The following GALNT9 variants were observed in gnomAD, a reference collection of about 807,000 sequenced individuals.
GALNT9 encodes the protein polypeptide N-acetylgalactosaminyltransferase 9.
Under a neutral mutation model 63.1 loss-of-function variants are expected in GALNT9, and 47 were observed. The ratio of observed to expected loss-of-function variants is 0.75; its 90% CI spans 0.59 to 0.95. The LOEUF is 0.95. GALNT9 is among the 40% of genes least tolerant of loss of function. GALNT9 has a pLI of 0.00. For missense variants in GALNT9, 829 were observed against 874.8 expected (o/e 0.95, Z 0.66); for synonymous variants, 396 against 365.7 (o/e 1.08, Z -0.94).
At chr12:132,267,204 G>T (rs543206543) in intron 2 of GALNT9, among the ~76,000 whole-genome samples, 4 of 127,400 alleles carry the variant, frequency 3.1e-5, no homozygotes, top group Non-Finnish European at 5.9e-5. Context: ...GGCAGGGAAG[G>T]AGGCAGGCAG....
intron 1 of GALNT9, among the ~76,000 whole-genome samples, chr12:132,324,568 G>A (rs1455385275): frequency 6.6e-6 from 1 of 152,206 alleles, no homozygotes; most frequent in Non-Finnish European, 1.5e-5. Context: ...GGGGGTCTTT[G>A]GACTGGCTCC....
chr12:132,326,025 G>T (rs1246274529), intron 1 of GALNT9, among the ~76,000 whole-genome samples: 2 of 152,248 alleles, frequency 1.3e-5, no homozygotes, highest in African/African-American at 4.8e-5. Context: ...CCTTAGCGCT[G>T]CCCAGGCCTC....
chr12:132,219,018 C>T (rs1277981328), intron 6 of GALNT9, among the ~76,000 whole-genome samples: 3 of 152,186 alleles, frequency 2.0e-5, no homozygotes, highest in South Asian at 2.1e-4. Context: ...AGGGGCGCCC[C>T]GCATTTTGAG....
chr12:132,203,508 C>CATGGGGATGTTCCAG lies in GALNT9; in HGVS notation c.1245_1259dup (p.Pro419_Met420insIleTrpAsnIlePro), dbSNP rs1246118644. ...TCCCGGCCTGTGGGGGACTCACCGA[C>CATGGGGATGTTCCAG]ATGGGGATGTTCCAGGCCATGTACA... On this transcript the variant is annotated inframe_insertion, in exon 7 of 11. Coordinates refer to ENST00000328957, the MANE Select transcript of GALNT9 (RefSeq NM_001122636.2). The CATGGGGATGTTCCAG allele has an allele frequency of 6.2e-7, 1 of 1,613,562 alleles. No homozygotes were observed. The highest frequency in any genetic ancestry group is 8.5e-7 in the Non-Finnish European group (1 of 1,179,666).
intron 6 of GALNT9, among the ~76,000 whole-genome samples, chr12:132,217,666 TATCC>T (rs1877270556): frequency 2.1e-5 from 3 of 140,522 alleles, no homozygotes; most frequent in East Asian, 2.3e-4. Context: ...TCCATTCCTT[TATCC>T]ATCCATCTAC....
chr12:132,240,375 G>A, intron 6 of GALNT9: 1 of 352,052 alleles, frequency 2.8e-6, no homozygotes, highest in South Asian at 2.1e-5. Flanking sequence ...ACCCCATGCT[G>A]GCCAGGTGGC....
At chr12:132,281,358 G>A (rs1294662417) in intron 2 of GALNT9, among the ~76,000 whole-genome samples, 2 of 152,226 alleles carry the variant, frequency 1.3e-5, no homozygotes, top group Non-Finnish European at 2.9e-5. Context: ...GGGGCCAGGA[G>A]GCCTCCTTCG....
At chr12:132,264,967 G>A (rs1204041805) in intron 2 of GALNT9, among the ~76,000 whole-genome samples, 1 of 152,198 alleles carries the variant, frequency 6.6e-6, no homozygotes, top group African/African-American at 2.4e-5. Flanking sequence ...AACCGCGTCC[G>A]CCTCGCAGGT....
At chr12:132,260,699 G>A (rs1341652622) in intron 4 of GALNT9, among the ~76,000 whole-genome samples, 6 of 152,252 alleles carry the variant, frequency 3.9e-5, no homozygotes, top group African/African-American at 1.4e-4. Context: ...TAAGCGCCAT[G>A]TCCTTGGGTG....
chr12:132,300,132 A>G (rs1322628763), intron 1 of GALNT9, among the ~76,000 whole-genome samples: 1 of 141,372 alleles, frequency 7.1e-6, no homozygotes, highest in African/African-American at 2.6e-5. Flanking sequence ...ACCACACCTA[A>G]CCCATCCCTG....
At chr12:132,291,693 G>A (rs1305624793) in intron 1 of GALNT9, among the ~76,000 whole-genome samples, 5 of 139,880 alleles carry the variant, frequency 3.6e-5, no homozygotes, top group Admixed American at 7.2e-5. Context: ...CATCCACAGC[G>A]CCCACATCCA....
At chr12:132,287,035 C>T (rs568871266) in intron 1 of GALNT9, among the ~76,000 whole-genome samples, 5 of 144,414 alleles carry the variant, frequency 3.5e-5, no homozygotes, top group Non-Finnish European at 7.5e-5. Flanking sequence ...TCCAAACGCA[C>T]AGCAGGTGTG....
At position 132,213,546 on chromosome 12, in the gene GALNT9, C is replaced by G. The variant is rs140156058; in HGVS notation, c.1078-9856G>C. Among the ~76,000 whole-genome samples the G allele has an allele frequency of 5.3e-5, 8 of 151,818 alleles. 1 individual carries two copies. Among genetic ancestry groups the G allele is most frequent in the Admixed American group, 4.6e-4 (7 of 15,224 alleles). On this transcript the variant is annotated intron_variant, in intron 6 of 10. Coordinates refer to ENST00000328957, the MANE Select transcript of GALNT9 (RefSeq NM_001122636.2). ...ACACGCACTCCCACCCACATACAGG[C>G]GCACTCACACAGTCACACACAGGCA... is the stretch of plus-strand genomic sequence containing the variant.
intron 4 of GALNT9, among the ~76,000 whole-genome samples, chr12:132,260,710 C>T (rs1005001899): frequency 1.4e-4 from 21 of 152,222 alleles, no homozygotes; most frequent in South Asian, 4.1e-4. Context: ...TCCTTGGGTG[C>T]GTGCTGGGCC....
intron 6 of GALNT9, chr12:132,240,679 C>A: frequency 2.2e-6 from 1 of 456,004 alleles, no homozygotes; most frequent in Non-Finnish European, 4.4e-6. Flanking sequence ...TTTTCTTCCT[C>A]TTTTATTCTG....
At position 132,236,900 on chromosome 12, in the gene GALNT9, G is replaced by T. The variant is rs1403172883; in HGVS notation, c.1077+11010C>A. 6.6e-6 allele frequency among the ~76,000 whole-genome samples: 1 copy of T among 152,170 alleles called. No individual in the cohort carries two copies. Among genetic ancestry groups the T allele is most frequent in the Non-Finnish European group, 1.5e-5 (1 of 68,032 alleles). On this transcript the variant is annotated intron_variant, in intron 6 of 10. Transcript: ENST00000328957. This position sits in a 1 kb window ranked among gnomAD's most constrained non-coding sequence, Gnocchi z 5.6. ...GGATGGGAAAGCCATGTGGGTGCTG[G>T]TCGTGTGGCCTCCCACAGCCTGGCT...
At chr12:132,217,674 CATCT>C (rs1264648110) in intron 6 of GALNT9, among the ~76,000 whole-genome samples, 3 of 150,094 alleles carry the variant, frequency 2.0e-5, no homozygotes, top group Admixed American at 6.6e-5. Flanking sequence ...TTTATCCATC[CATCT>C]ACCTACTCAT....
Position 132,310,992 on chromosome 12 carries a change from G to A in GALNT9, c.238+17974C>T, listed in dbSNP as rs1469805719. Among the ~76,000 whole-genome samples the A allele has an allele frequency of 1.3e-5, 2 of 152,218 alleles. No individual in the cohort carries two copies. The highest frequency in any genetic ancestry group is 6.5e-5 in the Admixed American group (1 of 15,282). Reference sequence around the variant, plus strand: ...GGCAGCCCAAGACAGGGACTCGGCCGCAGCTAAAGTTTCCCATAATTGCGG... The same window carrying A: ...GGCAGCCCAAGACAGGGACTCGGCCACAGCTAAAGTTTCCCATAATTGCGG... On this transcript the variant is annotated intron_variant, in intron 1 of 10. Transcript: ENST00000328957. The surrounding 1 kb of genome is among the most constrained non-coding windows in gnomAD (Gnocchi z 4.8).
chr12:132,302,703 G>C (rs1354099903), intron 1 of GALNT9, among the ~76,000 whole-genome samples: 5 of 152,216 alleles, frequency 3.3e-5, no homozygotes, highest in Non-Finnish European at 5.9e-5. Flanking sequence ...CAGAGGCAGG[G>C]GCAGGATCCC....
Sources: allele counts gnomAD v4.1 joint callset (sites outside exome capture counted in the v4.1 genomes callset), GRCh38; gene constraint gnomAD v4.1.1; non-coding constraint Gnocchi (gnomAD v3.1); transcripts MANE v1.5; gene names NCBI Gene and HGNC (gene_info 2026-07-23, HGNC 2026-07-21).